SPTA1: variants seen among roughly 807,000 people sequenced by gnomAD.
SPTA1 encodes the protein spectrin alpha, erythrocytic 1.
SPTA1 carries 177 observed loss-of-function variants against 324.7 expected under a neutral mutation model. That is an observed-to-expected ratio of 0.55 (90% confidence interval 0.48 to 0.62). The LOEUF (loss-of-function observed/expected upper bound fraction) is 0.62. Ranked by LOEUF, SPTA1 falls within the 20% of genes least tolerant of loss-of-function variation. The pLI is 0.00. For missense variants in SPTA1, 3,162 were observed against 2,883.6 expected, an observed-to-expected ratio of 1.10 and a Z score of -2.21; for synonymous variants, 1,195 against 1,041.3, an observed-to-expected ratio of 1.15 and a Z score of -2.84.
In SPTA1 at chr1:158,664,819, T is replaced by C. The variant is rs1207172486; in HGVS notation, c.2220+1497A>G. On this transcript the variant is annotated intron_variant, in intron 16 of 51. Transcript: ENST00000643759. ...ATTATCATCATCACTATAGATCCAC[T>C]GTACTCTTTGAAAACCTCTAACGTA... Among the ~76,000 whole-genome samples, 3 of 152,176 alleles carry C rather than the reference T, an allele frequency of 2.0e-5. 1 individual carries two copies. Among genetic ancestry groups the C allele is most frequent in the Admixed American group, 1.3e-4 (2 of 15,260 alleles).
rs121918640 is a variant in SPTA1 at position 158,685,251 on chromosome 1, G to A, written c.121C>T (p.Arg41Trp). Reference protein sequence around the residue: ...VLTRYQSFKERVAERGQKLED... With the variant: ...VLTRYQSFKEWVAERGQKLED... The stretch of plus-strand genomic sequence containing the variant: ...AGCTTCTGACCCCTCTCAGCGACCC[G>A]CTCCTTGAAACTTTGATACCGAGTC... Residue 41 changes from arginine (R) to tryptophan (W), a missense_variant, in exon 2 of 52, where the codon CGG (arginine) becomes TGG (tryptophan). Transcript: ENST00000643759. 11 of 1,613,500 alleles carry A rather than the reference G, an allele frequency of 6.8e-6. No individual in the cohort carries two copies. Among genetic ancestry groups the A allele is most frequent in the African/African-American group, 1.3e-5 (1 of 74,846 alleles).
intron 3 of SPTA1, among the ~76,000 whole-genome samples, chr1:158,682,847 T>TC (rs1654906404): frequency 6.6e-6 from 1 of 152,170 alleles, no homozygotes; most frequent in Non-Finnish European, 1.5e-5. Context: ...GAGAAAATTT[T>TC]CTGACTACAT....
chr1:158,678,325 G>T, intron 6 of SPTA1, 76 bp downstream of exon 6: 2 of 1,590,536 alleles, frequency 1.3e-6, no homozygotes, highest in African/African-American at 2.7e-5. Context: ...AACAGAAGTA[G>T]AAAGAGCCTA....
intron 37 of SPTA1, 75 bp downstream of exon 37, chr1:158,636,566 C>T: frequency 1.9e-6 from 3 of 1,551,020 alleles, no homozygotes; most frequent in Non-Finnish European, 2.7e-6. Context: ...TTGTAGCACC[C>T]TCTTATTTAT....
At chr1:158,656,325 G>A (rs374482780) in intron 20 of SPTA1, among the ~76,000 whole-genome samples, 10 of 152,114 alleles carry the variant, frequency 6.6e-5, no homozygotes, top group African/African-American at 2.2e-4. Context: ...GAAGGAAAGA[G>A]GAAAGCCAAA....
chr1:158,651,922 T>TGTGTGC (rs796932584), intron 23 of SPTA1, among the ~76,000 whole-genome samples: 7 of 151,468 alleles, frequency 4.6e-5, no homozygotes, highest in African/African-American at 1.7e-4. Flanking sequence ...TGTGTGTGTG[T>TGTGTGC]GCGCGTGTGT....
intron 33 of SPTA1, among the ~76,000 whole-genome samples, chr1:158,640,626 C>T (rs1345101909): frequency 6.6e-6 from 1 of 152,066 alleles, no homozygotes; most frequent in East Asian, 1.9e-4. Flanking sequence ...TGTGAAGGAC[C>T]TCTTCAAGGA....
intron 16 of SPTA1, among the ~76,000 whole-genome samples, chr1:158,665,468 C>T (rs187684882): frequency 1.3e-5 from 2 of 152,112 alleles, no homozygotes. Context: ...TAGGGAATGG[C>T]GGAATCATTT....
At position 158,684,869 on chromosome 1, in the gene SPTA1, G is replaced by A. The variant is rs439265; in HGVS notation, c.264+239C>T. ...TGCTTTCAACAACTGAAAAACTGCT[G>A]CTTTTTGTTTGATTCTTATTTTCTC... On this transcript the variant is annotated intron_variant, in intron 2 of 51. Coordinates refer to ENST00000643759, the MANE Select transcript of SPTA1 (RefSeq NM_003126.4). Among the ~76,000 whole-genome samples the A allele has an allele frequency of 0.97, 148,174 of 152,158 alleles. 72,254 individuals are homozygous for A. The highest frequency in any genetic ancestry group is 1 in the East Asian group (5,162 of 5,162).
chr1:158,613,895 T>C (rs763142593), intron 49 of SPTA1, 28 bp from the exon 50 acceptor site: 3 of 1,608,214 alleles, frequency 1.9e-6, no homozygotes, highest in South Asian at 2.2e-5. Flanking sequence ...AAAAAAAAAT[T>C]TATCAAGCTC....
chr1:158,671,389 T>A lies in SPTA1; in HGVS notation c.1553A>T (p.His518Leu). The A allele has an allele frequency of 6.2e-7, 1 of 1,613,538 alleles. No homozygotes were observed. The highest frequency in any genetic ancestry group is 1.1e-5 in the South Asian group (1 of 91,046). ...LGSAEALLQK[H>L]EDFEEAFTAQ... ...AGTAAAGGCTTCCTCAAAGTCTTCA[T>A]GCTTCTGAAGAAGGGCTTCTGCACT... Residue 518 changes from histidine to leucine, a missense_variant, in exon 12 of 52, where the codon CAT becomes CTT. Transcript: ENST00000643759.
Position 158,669,483 on chromosome 1 carries a change from T to G in SPTA1, c.1758A>C (p.Lys586Asn). Reference protein sequence around the residue: ...RLLKESLLLQKLYEDSDDLKN... With the variant: ...RLLKESLLLQNLYEDSDDLKN... The stretch of plus-strand genomic sequence containing the variant: ...TTAGGTCATCTGAGTCCTCATACAG[T>G]TTTTGCAGAAGCAATGACTCCTTCA... Residue 586 changes from lysine (K) to asparagine (N), a missense_variant, in exon 14 of 52, where the codon AAA (lysine) becomes AAC (asparagine). Coordinates refer to ENST00000643759, the MANE Select transcript of SPTA1 (RefSeq NM_003126.4). 6.2e-7 allele frequency: 1 copy of G among 1,614,174 alleles called. No individual in the cohort carries two copies. Among genetic ancestry groups the G allele is most frequent in the Non-Finnish European group, 8.5e-7 (1 of 1,180,016 alleles).
Position 158,685,362 on chromosome 1 carries a change from G to T in SPTA1, c.25-15C>A, listed in dbSNP as rs181840035. On this transcript the variant is annotated splice_polypyrimidine_tract_variant and intron_variant, in intron 1 of 51. Transcript: ENST00000643759. ...CTCTCCACAACCTGCAAGTTAAAAA[G>T]ATTCTGTTACTTGCTAGTTCTCAAA... 1.9e-6 allele frequency: 3 copies of T among 1,612,034 alleles called. No individual in the cohort carries two copies.
chr1:158,653,610 A>T (rs982045479), intron 21 of SPTA1, among the ~76,000 whole-genome samples, 185 bp from the exon 22 acceptor site: 1 of 152,230 alleles, frequency 6.6e-6, no homozygotes, highest in African/African-American at 2.4e-5. Context: ...TGCATAGACA[A>T]GCCCCTGAAA....
chr1:158,612,504 C>T (rs949049541), intron 51 of SPTA1: 16 of 376,260 alleles, frequency 4.3e-5, no homozygotes, highest in Non-Finnish European at 6.1e-5. Flanking sequence ...AGTTTGCACT[C>T]CTCATGCCTG....
chr1:158,653,318 T>A lies in SPTA1; in HGVS notation c.3144A>T (p.Glu1048Asp). ...GGCGCTGGGTGATGTTTCCTGGCTC[T>A]TCTCGTCGCCGCTGTGGGAGCATCG... ...EFPMLPQRRR[E>D]EPGNITQRQE... The change falls in exon 22 of 52, where the codon GAA becomes GAT. Residue 1048 changes from glutamate to aspartate, a missense_variant. Glu to Asp is a conservative substitution (Grantham distance 45). Transcript: ENST00000643759. 6.2e-7 allele frequency: 1 copy of A among 1,614,152 alleles called. No individual in the cohort carries two copies.
intron 33 of SPTA1, among the ~76,000 whole-genome samples, chr1:158,640,399 C>CA (rs1292849911): frequency 6.6e-6 from 1 of 152,066 alleles, no homozygotes; most frequent in Non-Finnish European, 1.5e-5. Flanking sequence ...GTGCAACAAT[C>CA]AGAGGGAAGA....
At chr1:158,685,002 C>G in intron 2 of SPTA1, 106 bp downstream of exon 2, 1 of 1,357,956 alleles carries the variant, frequency 7.4e-7, no homozygotes, top group Non-Finnish European at 1.0e-6. Flanking sequence ...TAAACGGAAT[C>G]TAATTGTACC....
At chr1:158,614,401 C>A in intron 48 of SPTA1, 95 bp from the exon 49 acceptor site, 1 of 916,552 alleles carries the variant, frequency 1.1e-6, no homozygotes, top group Non-Finnish European at 1.7e-6. Context: ...TTTTAATGGA[C>A]AATTTGCTAT....
Sources: gnomAD v4.1 joint callset for allele counts (sites outside exome capture counted in the v4.1 genomes callset) on GRCh38, gnomAD v4.1.1 for gene constraint, MANE v1.5 for transcripts, NCBI Gene and HGNC (gene_info 2026-07-23, HGNC 2026-07-21) for gene names.